Variants in DNAH7 observed in about 807,000 individuals in gnomAD.
DNAH7 encodes the protein axonemal beta dynein heavy chain 7.
Under a neutral mutation model 444.6 loss-of-function variants are expected in DNAH7, and 397 were observed. The observed-to-expected ratio is 0.89, with a 90% confidence interval of 0.82 to 0.97. DNAH7 has a LOEUF of 0.97. Among genes scored for constraint, DNAH7 ranks in the 50% least tolerant of loss-of-function variants. The probability of loss-of-function intolerance (pLI) is 0.00; values close to 1 mark genes in which losing one functional copy is unlikely to be tolerated. For missense variants in DNAH7, 4,902 were observed against 4,800.8 expected, an observed-to-expected ratio of 1.02 and a Z score of -0.62; for synonymous variants, 1,636 against 1,624.4, an observed-to-expected ratio of 1.01 and a Z score of -0.17.
intron 58 of DNAH7, among the ~76,000 whole-genome samples, chr2:195,784,031 G>A (rs564107900): frequency 6.6e-6 from 1 of 152,056 alleles, no homozygotes; most frequent in African/African-American, 2.4e-5. Flanking sequence ...GCCTCCCCCA[G>A]TATCAACATC....
Position 195,894,802 on chromosome 2 carries a change from T to C in DNAH7, c.4896+174A>G, listed in dbSNP as rs1702212040. ...AAGCAAGTTTGTGGCATACCCTTTA[T>C]ATGCTGAACTTCCTATTTGCTTCAT... is the stretch of plus-strand genomic sequence containing the variant. On this transcript the variant is annotated intron_variant, in intron 30 of 64. Coordinates refer to ENST00000312428, the MANE Select transcript of DNAH7 (RefSeq NM_018897.3). 7.2e-6 allele frequency: 4 copies of C among 557,844 alleles called. No homozygotes were observed. In the South Asian group the frequency reaches 1.7e-4, roughly 23 times the overall value. The allele number at this position is 557,844 out of a possible 1,614,324, so 34.6% of individuals were successfully genotyped here.
Position 196,020,611 on chromosome 2 carries a change from TG to T in DNAH7, c.744-1317del, listed in dbSNP as rs1290806459. On this transcript the variant is annotated intron_variant, in intron 8 of 64. Coordinates refer to ENST00000312428, the MANE Select transcript of DNAH7 (RefSeq NM_018897.3). ...GGAATGGGGAATAATTTGGGGCTTT[TG>T]TTTTTTTTTTTTTTTTGAGATGGAG... is the stretch of plus-strand genomic sequence containing the variant. Among the ~76,000 whole-genome samples the T allele has an allele frequency of 1.8e-3, 248 of 138,740 alleles. 1 individual carries two copies. Among genetic ancestry groups the T allele is most frequent in the South Asian group, 8.1e-3 (36 of 4,432 alleles). 91.0% of individuals were successfully genotyped at this position (138,740 alleles called of 152,430 possible).
At chr2:196,041,305 C>A (rs1211362084) in intron 5 of DNAH7, among the ~76,000 whole-genome samples, 1 of 151,996 alleles carries the variant, frequency 6.6e-6, no homozygotes, top group Non-Finnish European at 1.5e-5. Flanking sequence ...TACCAGACTT[C>A]AAAATACAGT....
rs1327486699 is a variant in DNAH7, at chr2:195,777,964, G to A, written c.10900C>T (p.Arg3634Trp). 5.0e-6 allele frequency: 8 copies of A among 1,612,638 alleles called. No homozygotes were observed. Among genetic ancestry groups the A allele is most frequent in the African/African-American group, 4.0e-5 (3 of 74,902 alleles). Residue 3634 changes from arginine to tryptophan, a missense_variant, in exon 59 of 65, where the codon CGG becomes TGG. Coordinates refer to ENST00000312428, the MANE Select transcript of DNAH7 (RefSeq NM_018897.3). ...TAATTGCATTCGCCAGTCATGTACCGCAGAGCCTCATACGGCAGTTCCTAA... is the reference window on the plus strand; with the variant it reads ...TAATTGCATTCGCCAGTCATGTACCACAGAGCCTCATACGGCAGTTCCTAA... ...QYEELPYEAL[R>W]YMTGECNYGG...
chr2:196,051,710 T>C (rs189444500), intron 2 of DNAH7, among the ~76,000 whole-genome samples: 2 of 151,868 alleles, frequency 1.3e-5, no homozygotes, highest in Non-Finnish European at 2.9e-5. Flanking sequence ...GAGGTTGCAG[T>C]GAGCAGAGAT....
intron 41 of DNAH7, 38 bp from the exon 42 acceptor site, chr2:195,861,984 T>C (rs1700042683): frequency 1.3e-6 from 2 of 1,520,772 alleles, no homozygotes. Context: ...TTTATTAAGA[T>C]TACGAATCTG....
At chr2:195,881,576 C>T (rs1238059030) in intron 36 of DNAH7, among the ~76,000 whole-genome samples, 2 of 152,040 alleles carry the variant, frequency 1.3e-5, no homozygotes, top group Non-Finnish European at 2.9e-5. Context: ...TATAAAATGG[C>T]AACGTATCAT....
At chr2:195,912,758 CTTCT>C (rs1222441469) in intron 24 of DNAH7, among the ~76,000 whole-genome samples, 2 of 152,206 alleles carry the variant, frequency 1.3e-5, no homozygotes, top group African/African-American at 4.8e-5. Flanking sequence ...TATAAACCTA[CTTCT>C]TTCTGTTTTC....
At position 195,816,680 on chromosome 2, in the gene DNAH7, G is replaced by T. The variant is rs1286323536; in HGVS notation, c.9709C>A (p.Leu3237Ile). 3.7e-6 allele frequency: 6 copies of T among 1,614,012 alleles called. No homozygotes were observed. The highest frequency in any genetic ancestry group is 3.3e-5 in the Admixed American group (2 of 60,014). Reference sequence around the variant, plus strand: ...GAATTTTCAATAGACAGGATGAAAAGGTTAATAAACCAGGTCAGTGAATAC... The same window carrying T: ...GAATTTTCAATAGACAGGATGAAAATGTTAATAAACCAGGTCAGTGAATAC... The part of the protein sequence containing the change: ...YQYSLTWFIN[L>I]FILSIENSEK... The change falls in exon 51 of 65, where the codon CTT becomes ATT. Residue 3237 changes from leucine to isoleucine, a missense_variant. Transcript: ENST00000312428.
intron 21 of DNAH7, among the ~76,000 whole-genome samples, chr2:195,932,554 G>C (rs1199889202): frequency 1.3e-5 from 2 of 152,058 alleles, no homozygotes; most frequent in African/African-American, 2.4e-5. Flanking sequence ...CTGTGGGTTT[G>C]TCATAGAGAG....
intron 5 of DNAH7, among the ~76,000 whole-genome samples, chr2:196,039,432 G>A (rs1696592003): frequency 6.6e-6 from 1 of 151,980 alleles, no homozygotes; most frequent in Admixed American, 6.6e-5. Context: ...ATACCTTAAG[G>A]AAATAGAAAA....
intron 55 of DNAH7, among the ~76,000 whole-genome samples, chr2:195,797,222 T>TA (rs1234881018): frequency 2.6e-5 from 4 of 152,226 alleles, no homozygotes; most frequent in Non-Finnish European, 5.9e-5. Context: ...TCAGTTTCTT[T>TA]AGAGAATTCT....
chr2:195,934,914 G>A (rs1688948771), intron 20 of DNAH7, 125 bp from the exon 21 acceptor site: 1 of 1,025,502 alleles, frequency 9.8e-7, no homozygotes, highest in Non-Finnish European at 1.4e-6. Context: ...GCAAAAACCG[G>A]AAACCCCCAA....
At position 195,872,323 on chromosome 2, in the gene DNAH7, A is replaced by G; in HGVS notation, c.6560T>C (p.Ile2187Thr). Residue 2187 changes from isoleucine (I) to threonine (T), a missense_variant, in exon 40 of 65, where the codon ATT becomes ACT. Ile to Thr is a moderately conservative substitution (Grantham distance 89). Transcript: ENST00000312428. ...TGGTCTTGACAAACAAACACCTTGAATGACACGGGAGAAATCACGGAGGTT... is the reference window on the plus strand; with the variant it reads ...TGGTCTTGACAAACAAACACCTTGAGTGACACGGGAGAAATCACGGAGGTT... ...LFNLRDFSRV[I>T]QGVCLSRPET... 1 of 1,613,998 alleles carries G rather than the reference A, an allele frequency of 6.2e-7. No homozygotes were observed. Among genetic ancestry groups the G allele is most frequent in the Non-Finnish European group, 8.5e-7 (1 of 1,179,946 alleles).
chr2:195,771,162 A>AAAAAT (rs995718512), intron 61 of DNAH7, among the ~76,000 whole-genome samples: 3 of 151,942 alleles, frequency 2.0e-5, no homozygotes, highest in Non-Finnish European at 2.9e-5. Context: ...CTAAAAAAAT[A>AAAAAT]AAAATAAAAT....
At position 196,051,236 on chromosome 2, in the gene DNAH7, C is replaced by T. The variant is rs779245789; in HGVS notation, c.92G>A (p.Ser31Asn). ...TGCTGGTGCCTTGAACTTTTCTTTG[C>T]TGGCTAATTTCTCCTGTGTGAAAAA... The part of the protein sequence containing the change: ...LPQLSMEKLA[S>N]KEKFKAPARA... The change falls in exon 3 of 65, where the codon AGC becomes AAC. Residue 31 changes from serine to asparagine, a missense_variant. Transcript: ENST00000312428. 1 of 1,613,716 alleles carries T rather than the reference C, an allele frequency of 6.2e-7. No individual in the cohort carries two copies. The highest frequency in any genetic ancestry group is 1.7e-5 in the Admixed American group (1 of 60,028).
At chr2:195,903,813 T>C (rs1441201014) in intron 27 of DNAH7, 1 of 152,062 alleles carries the variant, frequency 6.6e-6, no homozygotes, top group African/African-American at 2.4e-5. Context: ...GGAGCTGTCG[T>C]TATGCTCTGA....
intron 17 of DNAH7, among the ~76,000 whole-genome samples, chr2:195,965,051 A>G (rs1418227268): frequency 6.6e-6 from 1 of 152,092 alleles, no homozygotes; most frequent in Non-Finnish European, 1.5e-5. Flanking sequence ...CAGATTTTAG[A>G]TAAAAGGCTT....
intron 5 of DNAH7, among the ~76,000 whole-genome samples, chr2:196,030,529 C>A (rs1323498753): frequency 1.3e-5 from 2 of 152,184 alleles, no homozygotes; most frequent in African/African-American, 4.8e-5. Context: ...AGTCCACAGT[C>A]CAGAGTCTCA....
Sources: allele counts gnomAD v4.1 joint callset (sites outside exome capture counted in the v4.1 genomes callset), GRCh38; gene constraint gnomAD v4.1.1; transcripts MANE v1.5; gene names NCBI Gene and HGNC (gene_info 2026-07-23, HGNC 2026-07-21).